ROBO2: variants seen among roughly 807,000 people sequenced by gnomAD.
The protein encoded by ROBO2 is roundabout homolog 2.
A neutral mutation model predicts 160.8 loss-of-function variants in ROBO2; 53 were observed. The ratio of observed to expected loss-of-function variants is 0.33; its 90% confidence interval spans 0.26 to 0.41. The LOEUF is 0.41. Among genes scored for constraint, ROBO2 ranks in the 10% least tolerant of loss-of-function variants. The pLI, the probability that ROBO2 is intolerant of heterozygous loss-of-function variation, is 1.00. For missense variants in ROBO2, 1,577 were observed against 1,722.4 expected (o/e 0.92, Z 1.49); for synonymous variants, 664 against 611.7 (o/e 1.09, Z -1.26).
intron 2 of ROBO2, among the ~76,000 whole-genome samples, chr3:75,967,943 A>C (rs1051241776): frequency 2.0e-5 from 3 of 151,640 alleles, no homozygotes; most frequent in Non-Finnish European, 4.4e-5. Flanking sequence ...CATACAGCAA[A>C]TGCTCAATTA....
chr3:77,338,354 T>C (rs2066708409), intron 2 of ROBO2, among the ~76,000 whole-genome samples: 1 of 152,152 alleles, frequency 6.6e-6, no homozygotes, highest in African/African-American at 2.4e-5. Flanking sequence ...AACACGTAGT[T>C]GCTCTGAGAT....
chr3:77,339,151 A>T, intron 2 of ROBO2, among the ~76,000 whole-genome samples: 1 of 151,944 alleles, frequency 6.6e-6, no homozygotes, highest in East Asian at 1.9e-4. Flanking sequence ...GCTTTTCTTT[A>T]TTTTTTGCCA....
At chr3:77,171,804 C>T (rs1036136320) in intron 2 of ROBO2, among the ~76,000 whole-genome samples, 3 of 152,080 alleles carry the variant, frequency 2.0e-5, no homozygotes, top group Non-Finnish European at 4.4e-5. Context: ...TATTTCCTTC[C>T]GTTCCATTGC....
chr3:77,053,331 C>A (rs1203586453), intron 1 of ROBO2, among the ~76,000 whole-genome samples: 1 of 152,142 alleles, frequency 6.6e-6, no homozygotes, highest in African/African-American at 2.4e-5. Flanking sequence ...CTTCATTTTA[C>A]ATTTTAAACT....
chr3:75,956,417 G>A (rs1948724860), intron 2 of ROBO2, among the ~76,000 whole-genome samples: 1 of 151,690 alleles, frequency 6.6e-6, no homozygotes, highest in South Asian at 2.1e-4. Flanking sequence ...AAAAGGTGCT[G>A]TCCTGATGGC....
exon 1 of ROBO2, chr3:77,040,105 A>T: frequency 2.1e-6 from 2 of 954,344 alleles, no homozygotes; most frequent in Non-Finnish European, 2.5e-6. Flanking sequence ...ACCACGTAGG[A>T]GTTCGGATTC....
At chr3:76,883,153 A>T (rs1254456974) in intron 2 of ROBO2, among the ~76,000 whole-genome samples, 1 of 152,192 alleles carries the variant, frequency 6.6e-6, no homozygotes, top group African/African-American at 2.4e-5. Flanking sequence ...TTACTAAAAA[A>T]TACCCATATG....
chr3:76,426,992 T>C (rs1486169411), intron 2 of ROBO2, among the ~76,000 whole-genome samples: 6 of 152,138 alleles, frequency 3.9e-5, no homozygotes, highest in African/African-American at 1.4e-4. Context: ...ATTGCTTATT[T>C]AGCAACACAT....
At chr3:76,368,339 A>C (rs548242226) in intron 2 of ROBO2, among the ~76,000 whole-genome samples, 1 of 152,018 alleles carries the variant, frequency 6.6e-6, no homozygotes, top group Non-Finnish European at 1.5e-5. Context: ...GCTTAAAACA[A>C]AAACTATTTA....
intron 2 of ROBO2, among the ~76,000 whole-genome samples, chr3:77,367,684 GC>G (rs2153474109): frequency 6.6e-6 from 1 of 152,256 alleles, no homozygotes; most frequent in South Asian, 2.1e-4. Context: ...CTTATGCTTA[GC>G]AATGAAAGTG....
At chr3:76,848,081 G>A (rs3884004) in intron 2 of ROBO2, among the ~76,000 whole-genome samples, 9,192 of 152,112 alleles carry the variant, frequency 0.06, 305 homozygotes, top group East Asian at 0.11. Context: ...ACCAGTCATC[G>A]TGTAGAAAAA....
At chr3:76,605,664 T>C (rs2087591965) in intron 2 of ROBO2, among the ~76,000 whole-genome samples, 2 of 152,112 alleles carry the variant, frequency 1.3e-5, no homozygotes, top group Non-Finnish European at 2.9e-5. Context: ...GAGCTGGGGA[T>C]AATAGATTTG....
intron 2 of ROBO2, among the ~76,000 whole-genome samples, chr3:77,363,796 A>G (rs2070413523): frequency 6.6e-6 from 1 of 152,068 alleles, no homozygotes; most frequent in Non-Finnish European, 1.5e-5. Context: ...AAGTTTTATG[A>G]CTTGCTGTGG....
chr3:77,015,732 T>C (rs1375222192), intron 2 of ROBO2, among the ~76,000 whole-genome samples: 1 of 152,186 alleles, frequency 6.6e-6, no homozygotes, highest in Non-Finnish European at 1.5e-5. Context: ...GCTGGTCCTA[T>C]TGCTGGGTTC....
chr3:77,593,226 A>AC (rs2094219690), intron 17 of ROBO2, among the ~76,000 whole-genome samples: 1 of 152,030 alleles, frequency 6.6e-6, no homozygotes. Context: ...AAAAAAAAAA[A>AC]ACACAAACTA....
At chr3:76,443,223 T>A (rs1403277845) in intron 2 of ROBO2, among the ~76,000 whole-genome samples, 1 of 152,016 alleles carries the variant, frequency 6.6e-6, no homozygotes, top group Non-Finnish European at 1.5e-5. Context: ...CAACAAGCCA[T>A]TCATGACAGA....
At chr3:76,416,414 CTG>C (rs762676866) in intron 2 of ROBO2, among the ~76,000 whole-genome samples, 1 of 151,406 alleles carries the variant, frequency 6.6e-6, no homozygotes, top group Non-Finnish European at 1.5e-5. Flanking sequence ...AACATTAAAA[CTG>C]TGTGTGTGTG....
intron 2 of ROBO2, among the ~76,000 whole-genome samples, chr3:76,622,332 G>GT (rs2089280359): frequency 6.9e-6 from 1 of 143,940 alleles, no homozygotes; most frequent in Non-Finnish European, 1.6e-5. Flanking sequence ...AGGTGTAGTG[G>GT]TGCATACCTG....
chr3:77,463,468 G>A (rs945661791), intron 2 of ROBO2, among the ~76,000 whole-genome samples: 2 of 152,032 alleles, frequency 1.3e-5, no homozygotes, highest in African/African-American at 4.8e-5. Flanking sequence ...CTTATTCATA[G>A]CGATGATCGC....
Sources: allele counts gnomAD v4.1 joint callset (sites outside exome capture counted in the v4.1 genomes callset), GRCh38; gene constraint gnomAD v4.1.1; transcripts MANE v1.5; gene names NCBI Gene and HGNC (gene_info 2026-07-23, HGNC 2026-07-21).